The following SUPT3H variants were observed in gnomAD, a reference collection of about 807,000 sequenced individuals.
SUPT3H encodes the protein transcription initiation protein SPT3 homolog.
Under a neutral mutation model 44.3 loss-of-function variants are expected in SUPT3H, and 44 were observed. That is an observed-to-expected ratio of 0.99 (90% CI 0.78 to 1.28). The LOEUF (loss-of-function observed/expected upper bound fraction) is 1.28, where lower values mean the gene tolerates loss of function less well. Among genes scored for constraint, SUPT3H ranks in the 50% most tolerant of loss-of-function variants. SUPT3H has a pLI of 0.00. For synonymous variants in SUPT3H, 124 were observed against 125.6 expected, an observed-to-expected ratio of 0.99 and a Z score of 0.09; for missense variants, 380 against 387.1, an observed-to-expected ratio of 0.98 and a Z score of 0.15.
chr6:44,883,677 A>C (rs1291623296), intron 10 of SUPT3H, among the ~76,000 whole-genome samples: 1 of 152,174 alleles, frequency 6.6e-6, no homozygotes, highest in African/African-American at 2.4e-5. Context: ...AGATATACAG[A>C]CCAATGGAAC....
intron 2 of SUPT3H, among the ~76,000 whole-genome samples, chr6:45,116,291 C>G (rs1236287221): frequency 6.6e-6 from 1 of 152,076 alleles, no homozygotes; most frequent in Non-Finnish European, 1.5e-5. Context: ...GTGGAATGAA[C>G]ACCTGTAAAT....
intron 2 of SUPT3H, among the ~76,000 whole-genome samples, chr6:45,153,260 T>C (rs1807240199): frequency 6.6e-6 from 1 of 152,234 alleles, no homozygotes; most frequent in Non-Finnish European, 1.5e-5. Context: ...GTAAGCTTTA[T>C]GAAGACAGAA....
At chr6:44,983,555 T>A (rs1347118532) in intron 6 of SUPT3H, among the ~76,000 whole-genome samples, 1 of 152,182 alleles carries the variant, frequency 6.6e-6, no homozygotes, top group Non-Finnish European at 1.5e-5. Context: ...AGGCTTGGTA[T>A]GCTTATGACA....
chr6:45,170,680 A>C (rs1810622401), intron 2 of SUPT3H, among the ~76,000 whole-genome samples: 1 of 152,036 alleles, frequency 6.6e-6, no homozygotes, highest in African/African-American at 2.4e-5. Flanking sequence ...TGAATCTGGT[A>C]GAGTTCCTTG....
At chr6:44,880,082 G>T (rs571525544) in intron 10 of SUPT3H, among the ~76,000 whole-genome samples, 18 of 152,048 alleles carry the variant, frequency 1.2e-4, no homozygotes, top group Non-Finnish European at 2.5e-4. Flanking sequence ...TGAGTTTGAC[G>T]AACTGACAGA....
At chr6:45,300,170 ATC>A (rs1188963168) in intron 2 of SUPT3H, among the ~76,000 whole-genome samples, 1 of 152,242 alleles carries the variant, frequency 6.6e-6, no homozygotes, top group Non-Finnish European at 1.5e-5. Context: ...CCAATAGTTA[ATC>A]ACAACTGAAT....
At chr6:44,869,773 C>T (rs563020278) in intron 10 of SUPT3H, among the ~76,000 whole-genome samples, 11 of 152,322 alleles carry the variant, frequency 7.2e-5, no homozygotes, top group African/African-American at 2.4e-4. Context: ...TAGGAAGTAC[C>T]TTCTGACTGC....
chr6:45,113,609 T>C (rs1800387918), intron 2 of SUPT3H, among the ~76,000 whole-genome samples: 1 of 152,048 alleles, frequency 6.6e-6, no homozygotes, highest in South Asian at 2.1e-4. Context: ...GTAGATCACC[T>C]GAGGTCAGGA....
At chr6:45,185,521 A>C (rs1227244429) in intron 2 of SUPT3H, among the ~76,000 whole-genome samples, 1 of 152,228 alleles carries the variant, frequency 6.6e-6, no homozygotes, top group Non-Finnish European at 1.5e-5. Context: ...AGCCCAGTCC[A>C]AAACCGCAAC....
intron 2 of SUPT3H, among the ~76,000 whole-genome samples, chr6:45,235,552 A>G (rs888316365): frequency 6.6e-6 from 1 of 152,204 alleles, no homozygotes; most frequent in African/African-American, 2.4e-5. Context: ...CCAGTACCTA[A>G]GACCCTAAAT....
At chr6:45,235,651 T>C (rs1194959270) in intron 2 of SUPT3H, among the ~76,000 whole-genome samples, 9 of 152,072 alleles carry the variant, frequency 5.9e-5, no homozygotes, top group African/African-American at 1.7e-4. Context: ...AGGTGGAAAA[T>C]TGGGTTTCTA....
chr6:45,258,836 C>T (rs1773849809), intron 2 of SUPT3H, among the ~76,000 whole-genome samples: 1 of 152,102 alleles, frequency 6.6e-6, no homozygotes, highest in Non-Finnish European at 1.5e-5. Flanking sequence ...TAATAAAAAA[C>T]ATGATTTTAA....
intron 10 of SUPT3H, among the ~76,000 whole-genome samples, chr6:44,868,193 C>T (rs1383885786): frequency 6.6e-6 from 1 of 152,134 alleles, no homozygotes; most frequent in African/African-American, 2.4e-5. Context: ...TCTGTGAGTG[C>T]CCCCATAGCT....
chr6:45,270,434 G>C (rs749155745), intron 2 of SUPT3H, among the ~76,000 whole-genome samples: 1 of 152,050 alleles, frequency 6.6e-6, no homozygotes, highest in Non-Finnish European at 1.5e-5. Context: ...TGCTGTTCTC[G>C]CGGTAGTACA....
intron 2 of SUPT3H, among the ~76,000 whole-genome samples, chr6:45,111,916 T>C (rs1205646932): frequency 6.6e-6 from 1 of 152,126 alleles, no homozygotes; most frequent in Non-Finnish European, 1.5e-5. Context: ...ACAATAATGC[T>C]GCTAGAAGTC....
In SUPT3H at chr6:45,281,552, C is replaced by A. The variant is rs1001176462; in HGVS notation, c.101+83649G>T. ...GGCAGCGAGGTTGGGGGAGGGGCGC[C>A]CACCATTGCCGACGCTTGAGTAGCT... On this transcript the variant is annotated intron_variant, in intron 2 of 10. Transcript: ENST00000371459. 3.3e-5 allele frequency among the ~76,000 whole-genome samples: 5 copies of A among 152,268 alleles called. No individual in the cohort carries two copies. In the East Asian group the frequency reaches 9.7e-4, roughly 29 times the overall value.
chr6:45,070,624 C>T (rs776754437), intron 3 of SUPT3H, among the ~76,000 whole-genome samples: 104 of 151,312 alleles, frequency 6.9e-4, no homozygotes, highest in Non-Finnish European at 1.1e-3. Flanking sequence ...GCCTGTAATC[C>T]CAGCTACTCC....
chr6:45,253,952 C>T (rs929590251), intron 2 of SUPT3H, among the ~76,000 whole-genome samples: 5 of 149,566 alleles, frequency 3.3e-5, no homozygotes, highest in African/African-American at 1.2e-4. Flanking sequence ...TACACACGTA[C>T]ACATGCACAG....
At chr6:45,186,437 A>G (rs1203901144) in intron 2 of SUPT3H, among the ~76,000 whole-genome samples, 1 of 152,210 alleles carries the variant, frequency 6.6e-6, no homozygotes, top group Non-Finnish European at 1.5e-5. Flanking sequence ...ATCTCAGCAA[A>G]GAAACACAAT....
Sources: allele counts gnomAD v4.1 joint callset (sites outside exome capture counted in the v4.1 genomes callset), GRCh38; gene constraint gnomAD v4.1.1; transcripts MANE v1.5; gene names NCBI Gene and HGNC (gene_info 2026-07-23, HGNC 2026-07-21).